GEMIN5: variants seen among roughly 807,000 people sequenced by gnomAD.
The protein encoded by GEMIN5 is gem nuclear organelle associated protein 5.
Under a neutral mutation model 176.9 loss-of-function variants are expected in GEMIN5, and 124 were observed. The ratio of observed to expected loss-of-function variants is 0.70; its 90% confidence interval spans 0.61 to 0.81. GEMIN5 has a LOEUF of 0.81. Ranked by LOEUF, GEMIN5 falls within the 40% of genes least tolerant of loss-of-function variation. The probability of loss-of-function intolerance (pLI) is 0.00; values close to 1 mark genes in which losing one functional copy is unlikely to be tolerated. For missense variants in GEMIN5, 1,843 were observed against 1,814.6 expected (o/e 1.02, Z -0.28); for synonymous variants, 673 against 665.2 (o/e 1.01, Z -0.18).
chr5:154,896,870 T>C (rs1450177068), intron 23 of GEMIN5, among the ~76,000 whole-genome samples: 1 of 152,202 alleles, frequency 6.6e-6, no homozygotes, highest in Non-Finnish European at 1.5e-5. Context: ...AGAGAAGGCC[T>C]AGAAAATCTA....
intron 9 of GEMIN5, among the ~76,000 whole-genome samples, chr5:154,922,938 C>T (rs1486062304): frequency 5.9e-5 from 9 of 151,990 alleles, no homozygotes; most frequent in African/African-American, 1.7e-4. Flanking sequence ...CCTCAGGATC[C>T]GCCCGCCTCA....
chr5:154,923,315 G>C (rs781313730), intron 9 of GEMIN5, among the ~76,000 whole-genome samples: 1 of 152,060 alleles, frequency 6.6e-6, no homozygotes, highest in Non-Finnish European at 1.5e-5. Context: ...AGAAGGCGAA[G>C]GTTTTGGTGA....
At chr5:154,913,077 A>G in intron 13 of GEMIN5, 39 bp from the exon 14 acceptor site, 1 of 1,542,522 alleles carries the variant, frequency 6.5e-7, no homozygotes, top group Non-Finnish European at 8.8e-7. Flanking sequence ...TGCTACTACT[A>G]ATAACAAAAA....
At chr5:154,935,444 G>C (rs1053254866) in intron 3 of GEMIN5, among the ~76,000 whole-genome samples, 2 of 152,202 alleles carry the variant, frequency 1.3e-5, no homozygotes, top group Non-Finnish European at 2.9e-5. Flanking sequence ...CAAGGAAACA[G>C]ATCCCAATGC....
chr5:154,935,201 T>A (rs1359274929), intron 3 of GEMIN5, among the ~76,000 whole-genome samples: 2 of 152,224 alleles, frequency 1.3e-5, no homozygotes, highest in Non-Finnish European at 2.9e-5. Context: ...TATATGCACA[T>A]TTTTACAACA....
chr5:154,921,385 A>G lies in GEMIN5; in HGVS notation c.1420T>C (p.Tyr474His). The change falls in exon 10 of 28, where the codon TAT becomes CAT. Residue 474 changes from tyrosine (Y) to histidine (H), a missense_variant. Coordinates refer to ENST00000285873, the MANE Select transcript of GEMIN5 (RefSeq NM_015465.5). ...ACTGGTGGCCCCCAGGCTAAAGTAT[A>G]TACAGTCTTCTTATGATATGTGCTA... ...ISSTYHKKTV[Y>H]TLAWGPPVPP... is the part of the protein sequence containing the mutation. 1.3e-6 allele frequency: 2 copies of G among 1,492,266 alleles called. No homozygotes were observed. The highest frequency in any genetic ancestry group is 1.8e-6 in the Non-Finnish European group (2 of 1,082,454). 92.4% of individuals were successfully genotyped at this position (1,492,266 alleles called of 1,614,324 possible).
chr5:154,923,596 T>C (rs754859536), intron 9 of GEMIN5, among the ~76,000 whole-genome samples: 5 of 152,228 alleles, frequency 3.3e-5, no homozygotes, highest in Non-Finnish European at 7.3e-5. Flanking sequence ...AAATTTCACT[T>C]ACAGACACTG....
intron 18 of GEMIN5, 107 bp downstream of exon 18, chr5:154,904,400 A>T (rs1763527637): frequency 9.8e-7 from 1 of 1,016,978 alleles, no homozygotes; most frequent in African/African-American, 1.6e-5. Flanking sequence ...AAAATACAGA[A>T]AACAATTTAG....
chr5:154,901,784 C>CA (rs772435642), intron 20 of GEMIN5, among the ~76,000 whole-genome samples: 22 of 18,424 alleles, frequency 1.2e-3, no homozygotes, highest in African/African-American at 2.1e-3. Context: ...TGACTACGTG[C>CA]TTTTTTTTTT....
chr5:154,888,855 T>TTTTTTG (rs1554100471), intron 27 of GEMIN5, among the ~76,000 whole-genome samples: 8 of 148,846 alleles, frequency 5.4e-5, no homozygotes, highest in South Asian at 4.2e-4. Flanking sequence ...AAATTCTTTT[T>TTTTTTG]TTTTGTTTTG....
Position 154,931,472 on chromosome 5 carries a change from C to T in GEMIN5, c.767G>A (p.Cys256Tyr). The T allele has an allele frequency of 2.5e-6, 4 of 1,611,164 alleles. No homozygotes were observed. Among genetic ancestry groups the T allele is most frequent in the Non-Finnish European group, 3.4e-6 (4 of 1,177,820 alleles). ...ATCAATCTTACCTCGGCCTCTAGAA[C>T]AGCTCCAGATTCGAATGGTTTGATC... ...SKDQTIRIWS[C>Y]SRGRGVMILK... is the part of the protein sequence containing the mutation. Residue 256 changes from cysteine to tyrosine, a missense_variant, in exon 5 of 28, where the codon TGT becomes TAT. Coordinates refer to ENST00000285873, the MANE Select transcript of GEMIN5 (RefSeq NM_015465.5).
In GEMIN5 at chr5:154,920,185, A is replaced by G. The variant is rs1054094937; in HGVS notation, c.1463-82T>C. 6 of 1,038,702 alleles carry G rather than the reference A, an allele frequency of 5.8e-6. No individual in the cohort carries two copies. In the Admixed American group the frequency reaches 7.9e-5, roughly 14 times the overall value. 64.3% of individuals were successfully genotyped at this position (1,038,702 alleles called of 1,614,324 possible). Reference sequence around the variant, plus strand: ...TGTTGCTATAGTATGACCATACCATACTACATAGTTGTTTTAAAAGAACTA... The same window carrying G: ...TGTTGCTATAGTATGACCATACCATGCTACATAGTTGTTTTAAAAGAACTA... On this transcript the variant is annotated intron_variant, in intron 10 of 27. Transcript: ENST00000285873.
At chr5:154,924,170 C>T (rs778757819) in intron 9 of GEMIN5, among the ~76,000 whole-genome samples, 1 of 152,124 alleles carries the variant, frequency 6.6e-6, no homozygotes, top group African/African-American at 2.4e-5. Flanking sequence ...TCGGACTTGG[C>T]ACCTTTCAAG....
chr5:154,932,715 G>A (rs1050922268), intron 3 of GEMIN5, among the ~76,000 whole-genome samples: 4 of 152,084 alleles, frequency 2.6e-5, no homozygotes, highest in Middle Eastern at 3.2e-3. Flanking sequence ...AAAGGTACAT[G>A]CCATGCCCAG....
At position 154,898,353 on chromosome 5, in the gene GEMIN5, G is replaced by A. The variant is rs1372039128; in HGVS notation, c.3345+87C>T. 6 of 1,197,570 alleles carry A rather than the reference G, an allele frequency of 5.0e-6. No individual in the cohort carries two copies. In the East Asian group the frequency reaches 1.4e-4, roughly 28 times the overall value. 74.2% of individuals were successfully genotyped at this position (1,197,570 alleles called of 1,614,324 possible). On this transcript the variant is annotated intron_variant, in intron 23 of 27. Coordinates refer to ENST00000285873, the MANE Select transcript of GEMIN5 (RefSeq NM_015465.5). ...GGCCTGCCAAATTGGCACAGCTTGT[G>A]CAACTGGGTTATTAACTTGGATTTG...
chr5:154,907,288 A>G (rs868626676), intron 16 of GEMIN5, among the ~76,000 whole-genome samples: 1 of 152,180 alleles, frequency 6.6e-6, no homozygotes, highest in Admixed American at 6.5e-5. Flanking sequence ...TTTCCCATGT[A>G]AGTTCCTATG....
intron 9 of GEMIN5, among the ~76,000 whole-genome samples, chr5:154,921,760 T>C (rs988272888): frequency 6.6e-6 from 1 of 152,248 alleles, no homozygotes; most frequent in Non-Finnish European, 1.5e-5. Flanking sequence ...TTTACGGTCA[T>C]GTAAAAGATG....
intron 7 of GEMIN5, 90 bp downstream of exon 7, chr5:154,927,295 G>A (rs1243742573): frequency 5.4e-6 from 4 of 742,878 alleles, no homozygotes; most frequent in Non-Finnish European, 9.3e-6. Context: ...GGAGTATTAC[G>A]ACTTGACAGG....
At position 154,927,570 on chromosome 5, in the gene GEMIN5, G is replaced by C; in HGVS notation, c.915-20C>G. On this transcript the variant is annotated intron_variant, in intron 6 of 27. Coordinates refer to ENST00000285873, the MANE Select transcript of GEMIN5 (RefSeq NM_015465.5). ...TCACCTCTGTGAAGGAAAAACATAA[G>C]CATTAGTTCTTTTACAAACGATCTG... 6.4e-7 allele frequency: 1 copy of C among 1,552,854 alleles called. No homozygotes were observed. Among genetic ancestry groups the C allele is most frequent in the South Asian group, 1.2e-5 (1 of 86,330 alleles).
Sources: gnomAD v4.1 joint callset for allele counts (sites outside exome capture counted in the v4.1 genomes callset) on GRCh38, gnomAD v4.1.1 for gene constraint, MANE v1.5 for transcripts, NCBI Gene and HGNC (gene_info 2026-07-23, HGNC 2026-07-21) for gene names.